Variants in PPP3CA observed in about 807,000 individuals in gnomAD.
The protein encoded by PPP3CA is CAM-PRP catalytic subunit.
In PPP3CA, 14 loss-of-function variants were observed where a neutral mutation model predicts 66.5. The ratio of observed to expected loss-of-function variants is 0.21; its 90% confidence interval spans 0.14 to 0.33. PPP3CA has a LOEUF of 0.33. PPP3CA is among the 10% of genes least tolerant of loss of function. The pLI is 1.00. For missense variants in PPP3CA, 317 were observed against 639.5 expected, an observed-to-expected ratio of 0.50 and a Z score of 5.44; for synonymous variants, 232 against 226.2, an observed-to-expected ratio of 1.03 and a Z score of -0.23.
chr4:101,086,543 G>GTTT (rs77091790), intron 6 of PPP3CA, among the ~76,000 whole-genome samples: 1 of 147,938 alleles, frequency 6.8e-6, no homozygotes, highest in African/African-American at 2.5e-5. Context: ...TTATTAAAAT[G>GTTT]TTTTTTTTTT....
chr4:101,161,796 C>G (rs1221824426), intron 2 of PPP3CA, among the ~76,000 whole-genome samples: 1 of 152,122 alleles, frequency 6.6e-6, no homozygotes, highest in African/African-American at 2.4e-5. Context: ...TCCAAAAGAA[C>G]AGGGAAGGCC....
At position 101,106,463 on chromosome 4, in the gene PPP3CA, A is replaced by AGAAAGAAAGAAAGAAGAGAAGAGAAG. The variant is rs1560605247; in HGVS notation, c.384+2490_384+2491insCTTCTCTTCTCTTCTTTCTTTCTTTC. Among the ~76,000 whole-genome samples the AGAAAGAAAGAAAGAAGAGAAGAGAAG allele has an allele frequency of 5.3e-4, 18 of 33,756 alleles. 2 individuals carry two copies. The highest frequency in any genetic ancestry group is 1.4e-3 in the South Asian group (1 of 724). 22.1% of individuals were successfully genotyped at this position (33,756 alleles called of 152,430 possible). Reference sequence around the variant, plus strand: ...AAAGAAAGAAAGAAAGAGAAAAGAAAAGAAAAGAAAAGAAAAGAAAAGAAA... The same window carrying AGAAAGAAAGAAAGAAGAGAAGAGAAG: ...AAAGAAAGAAAGAAAGAGAAAAGAAAGAAAGAAAGAAAGAAGAGAAGAGAAGAGAAAAGAAAAGAAAAGAAAAGAAA... On this transcript the variant is annotated intron_variant, in intron 3 of 13. Transcript: ENST00000394854.
chr4:101,061,034 C>T (rs996731249), intron 10 of PPP3CA, 53 bp downstream of exon 10: 1 of 1,420,898 alleles, frequency 7.0e-7, no homozygotes, highest in African/African-American at 1.4e-5. Context: ...AGCAATGAGA[C>T]TCTAAGTAAT....
chr4:101,287,941 T>G (rs1282300167), intron 1 of PPP3CA, among the ~76,000 whole-genome samples: 1 of 151,104 alleles, frequency 6.6e-6, no homozygotes, highest in East Asian at 1.9e-4. Context: ...TGCTGCATCA[T>G]ACCATTTTTT....
chr4:101,302,875 C>T (rs1038517375), intron 1 of PPP3CA, among the ~76,000 whole-genome samples: 2 of 152,154 alleles, frequency 1.3e-5, no homozygotes, highest in African/African-American at 4.8e-5. Flanking sequence ...TTCAGACTCC[C>T]TAATTACTCT....
chr4:101,193,205 GAT>G (rs1724666665), intron 2 of PPP3CA, among the ~76,000 whole-genome samples: 1 of 152,136 alleles, frequency 6.6e-6, no homozygotes, highest in African/African-American at 2.4e-5. Flanking sequence ...ACATGTATGT[GAT>G]ATATACCACC....
intron 6 of PPP3CA, among the ~76,000 whole-genome samples, chr4:101,083,561 TAC>T: frequency 6.6e-6 from 1 of 152,338 alleles, no homozygotes; most frequent in East Asian, 1.9e-4. Flanking sequence ...TTTAAAAGTC[TAC>T]ATTTAAAGAC....
chr4:101,152,741 C>T (rs1560629179), intron 2 of PPP3CA, among the ~76,000 whole-genome samples: 1 of 151,978 alleles, frequency 6.6e-6, no homozygotes, highest in Non-Finnish European at 1.5e-5. Context: ...CACAGTATGA[C>T]ACAATGAAGA....
chr4:101,254,639 C>A (rs967703191), intron 1 of PPP3CA, among the ~76,000 whole-genome samples: 7 of 151,868 alleles, frequency 4.6e-5, no homozygotes, highest in Non-Finnish European at 8.8e-5. Flanking sequence ...TTCATACAGA[C>A]ATGATCCAAG....
chr4:101,274,823 G>A (rs1015708852), intron 1 of PPP3CA, among the ~76,000 whole-genome samples: 1 of 151,940 alleles, frequency 6.6e-6, no homozygotes, highest in Non-Finnish European at 1.5e-5. Flanking sequence ...CAATAATCAA[G>A]CTAAAGTGAA....
chr4:101,031,816 G>A (rs182718921), intron 12 of PPP3CA, among the ~76,000 whole-genome samples: 1 of 152,146 alleles, frequency 6.6e-6, no homozygotes, highest in Admixed American at 6.5e-5. Context: ...CATTCAAGAG[G>A]ATAATGAAAT....
At chr4:101,220,423 T>C (rs1725590076) in intron 1 of PPP3CA, among the ~76,000 whole-genome samples, 1 of 151,698 alleles carries the variant, frequency 6.6e-6, no homozygotes, top group Non-Finnish European at 1.5e-5. Context: ...TATCTCTTTA[T>C]AATCAAACTA....
At chr4:101,063,022 GTTT>G (rs971469650) in intron 9 of PPP3CA, among the ~76,000 whole-genome samples, 1 of 142,120 alleles carries the variant, frequency 7.0e-6, no homozygotes, top group African/African-American at 2.6e-5. Context: ...CCTGTGTTTT[GTTT>G]TTTTTTTTGC....
At position 101,196,065 on chromosome 4, in the gene PPP3CA, T is replaced by G. The variant is rs1724780539; in HGVS notation, c.110A>C (p.Asn37Thr). The change falls in exon 2 of 14, where the codon AAT (asparagine) becomes ACT (threonine). Residue 37 changes from asparagine to threonine, a missense_variant. By Grantham distance (65) the Asn-to-Thr change is moderately conservative. Transcript: ENST00000394854. Reference sequence around the variant, plus strand: ...GATATCCACACGAGGTTTTCCATCATTATCAAACACTTCTTTTGCTGTAAG... The same window carrying G: ...GATATCCACACGAGGTTTTCCATCAGTATCAAACACTTCTTTTGCTGTAAG... The part of the protein sequence containing the change: ...HRLTAKEVFD[N>T]DGKPRVDILK... 6.2e-7 allele frequency: 1 copy of G among 1,614,070 alleles called. No individual in the cohort carries two copies. Among genetic ancestry groups the G allele is most frequent in the Non-Finnish European group, 8.5e-7 (1 of 1,179,986 alleles).
At chr4:101,128,158 A>G (rs1296319565) in intron 2 of PPP3CA, among the ~76,000 whole-genome samples, 3 of 152,196 alleles carry the variant, frequency 2.0e-5, no homozygotes, top group Admixed American at 1.3e-4. Flanking sequence ...AGCTAACATA[A>G]AAATCCTTCT....
chr4:101,216,753 G>A (rs1404081578), intron 1 of PPP3CA, among the ~76,000 whole-genome samples: 1 of 151,888 alleles, frequency 6.6e-6, no homozygotes, highest in Non-Finnish European at 1.5e-5. Flanking sequence ...GCTTCACAAT[G>A]TTGCCCAGGC....
rs1396979125 is a variant in PPP3CA at position 101,025,075 on chromosome 4, C to T, written c.*790G>A. On this transcript the variant is annotated 3_prime_UTR_variant, in exon 14 of 14. Transcript: ENST00000394854. ...AGCCACAACCAAGACTTGATTTTAT[C>T]AACAAAAACCCCTAAATATAAACGG... The T allele has an allele frequency of 2.0e-5, 3 of 151,986 alleles. No homozygotes were observed. The allele number at this position is 151,986 out of a possible 1,614,324, so 9.4% of individuals were successfully genotyped here.
chr4:101,109,630 C>A, intron 2 of PPP3CA, among the ~76,000 whole-genome samples: 2 of 126,874 alleles, frequency 1.6e-5, no homozygotes, highest in Non-Finnish European at 1.6e-5. Flanking sequence ...TTGTAAGACA[C>A]ATCATTAGTT....
chr4:101,099,773 T>C lies in PPP3CA; in HGVS notation c.385-51A>G, dbSNP rs775354301. 7.4e-5 allele frequency: 70 copies of C among 942,576 alleles called. 1 individual carries two copies. Among genetic ancestry groups the C allele is most frequent in the South Asian group, 5.6e-4 (23 of 40,952 alleles). The allele number at this position is 942,576 out of a possible 1,614,324, so 58.4% of individuals were successfully genotyped here. On this transcript the variant is annotated intron_variant, in intron 3 of 13. Coordinates refer to ENST00000394854, the MANE Select transcript of PPP3CA (RefSeq NM_000944.5). ...AATAAATATTTTTCCTTAACACTTA[T>C]GCATTTCATTGCTCACATATCATAA...
Sources: allele counts gnomAD v4.1 joint callset (sites outside exome capture counted in the v4.1 genomes callset), GRCh38; gene constraint gnomAD v4.1.1; transcripts MANE v1.5; gene names NCBI Gene and HGNC (gene_info 2026-07-23, HGNC 2026-07-21).